Variants in SPON1 observed in about 807,000 individuals in gnomAD.
SPON1 encodes the protein spondin 1, also known as spondin-1.
In SPON1, 52 loss-of-function variants were observed where a neutral mutation model predicts 111.7. The ratio of observed to expected loss-of-function variants is 0.47; its 90% CI spans 0.37 to 0.59. The LOEUF is 0.59. Ranked by LOEUF, SPON1 falls within the 20% of genes least tolerant of loss-of-function variation. SPON1 has a pLI of 0.00. For synonymous variants in SPON1, 410 were observed against 395.8 expected, an observed-to-expected ratio of 1.04 and a Z score of -0.43; for missense variants, 957 against 1,068.5, an observed-to-expected ratio of 0.90 and a Z score of 1.46.
At chr11:14,173,869 C>CG (rs1554932798) in intron 6 of SPON1, among the ~76,000 whole-genome samples, 22 of 150,834 alleles carry the variant, frequency 1.5e-4, no homozygotes, top group Admixed American at 1.3e-3. Context: ...CTCAGAGGAG[C>CG]ACCTGGCCGT....
chr11:14,187,646 G>T (rs896636251), intron 6 of SPON1, among the ~76,000 whole-genome samples: 2 of 152,074 alleles, frequency 1.3e-5, no homozygotes, highest in Non-Finnish European at 2.9e-5. Flanking sequence ...TCAGAGTCTC[G>T]ATCTGTTGCC....
Position 14,059,660 on chromosome 11 carries a change from T to G in SPON1, c.480-15685T>G, listed in dbSNP as rs1848775266. On this transcript the variant is annotated intron_variant, in intron 3 of 15. Coordinates refer to ENST00000576479, the MANE Select transcript of SPON1 (RefSeq NM_006108.4). ...CCAGGCTGCATTTCCATTTTCCCTT[T>G]AGCCCCTGGAACAAAGCCAGGAAGT... 2.0e-5 allele frequency among the ~76,000 whole-genome samples: 3 copies of G among 152,290 alleles called. No individual in the cohort carries two copies. The South Asian group carries it at 6.2e-4, about 32-fold the overall frequency.
At chr11:14,032,546 C>T (rs1848566901) in intron 2 of SPON1, among the ~76,000 whole-genome samples, 1 of 152,120 alleles carries the variant, frequency 6.6e-6, no homozygotes, top group Non-Finnish European at 1.5e-5. Context: ...CTGGCTGCTT[C>T]GTCAATACTA....
chr11:14,100,650 T>C (rs1554924302), intron 5 of SPON1, among the ~76,000 whole-genome samples: 2 of 152,200 alleles, frequency 1.3e-5, no homozygotes. Flanking sequence ...CTGGATTGTA[T>C]GGATAATTTC....
chr11:14,168,957 A>C (rs1268643904), intron 6 of SPON1, among the ~76,000 whole-genome samples: 7 of 152,196 alleles, frequency 4.6e-5, no homozygotes, highest in Non-Finnish European at 1.5e-5. Flanking sequence ...TGCCACAAAA[A>C]ACATATGTGT....
At chr11:14,023,718 A>G (rs931859293) in intron 2 of SPON1, among the ~76,000 whole-genome samples, 2 of 152,138 alleles carry the variant, frequency 1.3e-5, no homozygotes, top group Non-Finnish European at 2.9e-5. Context: ...TGGAAAAAAG[A>G]CTGGGCCAGG....
In SPON1 at chr11:14,160,752, TTA is replaced by T. The variant is rs1348389788; in HGVS notation, c.825+25192_825+25193del. Among the ~76,000 whole-genome samples the T allele has an allele frequency of 5.3e-4, 27 of 51,188 alleles. 3 individuals carry two copies. Among genetic ancestry groups the T allele is most frequent in the Non-Finnish European group, 8.8e-4 (27 of 30,582 alleles). The allele number at this position is 51,188 out of a possible 152,430, so 33.6% of individuals were successfully genotyped here. A position where few individuals can be genotyped will look rare whatever the true frequency, so the allele number is the denominator to read the frequency against. On this transcript the variant is annotated intron_variant, in intron 6 of 15. Coordinates refer to ENST00000576479, the MANE Select transcript of SPON1 (RefSeq NM_006108.4). ...TTATATATATTTAATTTATATATAT[TTA>T]TATATATTTATATATTTATATATAT...
At chr11:14,263,248 A>C (rs1435433652) in intron 15 of SPON1, among the ~76,000 whole-genome samples, 3 of 152,232 alleles carry the variant, frequency 2.0e-5, no homozygotes, top group African/African-American at 7.2e-5. Context: ...ATTTTCAAGC[A>C]AAGAATCTTT....
At chr11:14,249,962 C>T (rs1164973582) in intron 7 of SPON1, among the ~76,000 whole-genome samples, 2 of 152,154 alleles carry the variant, frequency 1.3e-5, no homozygotes, top group Non-Finnish European at 2.9e-5. Flanking sequence ...TCACCAATGC[C>T]CTGGGTTCTT....
chr11:14,157,324 C>T (rs1304226229), intron 6 of SPON1, among the ~76,000 whole-genome samples: 1 of 151,982 alleles, frequency 6.6e-6, no homozygotes, highest in Non-Finnish European at 1.5e-5. Flanking sequence ...AATAAGTTGC[C>T]ACTTATTTTC....
At chr11:14,091,426 G>A (rs1476354679) in intron 5 of SPON1, among the ~76,000 whole-genome samples, 1 of 152,242 alleles carries the variant, frequency 6.6e-6, no homozygotes. Context: ...CCATGGAGTG[G>A]GTGGGAGGCT....
chr11:14,023,366 C>CATTT, intron 2 of SPON1, among the ~76,000 whole-genome samples: 1 of 151,302 alleles, frequency 6.6e-6, no homozygotes, highest in Non-Finnish European at 1.5e-5. Flanking sequence ...CTTTAGGGTG[C>CATTT]TGGAGAGAAA....
intron 6 of SPON1, among the ~76,000 whole-genome samples, chr11:14,231,215 C>A (rs1848798432): frequency 6.6e-6 from 1 of 151,824 alleles, no homozygotes; most frequent in South Asian, 2.1e-4. Flanking sequence ...CTCACTGCAA[C>A]CTTCACCTCC....
chr11:14,182,888 A>G (rs1330951696), intron 6 of SPON1, among the ~76,000 whole-genome samples: 4 of 152,156 alleles, frequency 2.6e-5, no homozygotes, highest in Non-Finnish European at 5.9e-5. Context: ...TCCTCTTAGC[A>G]AGGGCCACGA....
intron 7 of SPON1, among the ~76,000 whole-genome samples, chr11:14,247,605 A>G (rs541230095): frequency 6.6e-6 from 1 of 152,290 alleles, no homozygotes; most frequent in African/African-American, 2.4e-5. Context: ...GGAGAGAGGT[A>G]CAGAGATGTG....
At chr11:14,181,286 A>G (rs1468902879) in intron 6 of SPON1, among the ~76,000 whole-genome samples, 4 of 152,190 alleles carry the variant, frequency 2.6e-5, no homozygotes, top group African/African-American at 7.2e-5. Context: ...TTCCACTTCC[A>G]TAGTGGTTTA....
At chr11:14,024,036 G>C (rs1256899325) in intron 2 of SPON1, among the ~76,000 whole-genome samples, 11 of 151,138 alleles carry the variant, frequency 7.3e-5, no homozygotes, top group Admixed American at 2.0e-4. Flanking sequence ...GGAGCAATTT[G>C]GGGACCTTAT....
chr11:14,257,651 TG>T, intron 10 of SPON1, 64 bp from the exon 11 acceptor site: 2 of 1,454,920 alleles, frequency 1.4e-6, no homozygotes, highest in Non-Finnish European at 9.3e-7. Context: ...TAAGCTGGTA[TG>T]GGGAGAGGGC....
intron 2 of SPON1, among the ~76,000 whole-genome samples, chr11:14,035,634 T>C (rs1464186168): frequency 8.8e-6 from 1 of 114,202 alleles, no homozygotes; most frequent in Admixed American, 8.6e-5. Flanking sequence ...TTTTTTTTTT[T>C]TAAGACAGGG....
Sources: allele counts gnomAD v4.1 joint callset (sites outside exome capture counted in the v4.1 genomes callset), GRCh38; gene constraint gnomAD v4.1.1; transcripts MANE v1.5; gene names NCBI Gene and HGNC (gene_info 2026-07-23, HGNC 2026-07-21).